BAMBI: variants seen among roughly 807,000 people sequenced by gnomAD.
BAMBI encodes the protein BMP and activin membrane-bound inhibitor homolog.
BAMBI carries 21 observed loss-of-function variants against 24.1 expected under a neutral mutation model. The observed-to-expected ratio is 0.87, with a 90% CI of 0.62 to 1.26. BAMBI has a LOEUF of 1.26. Ranked by LOEUF, BAMBI falls within the 50% of genes most tolerant of loss-of-function variation. The probability of loss-of-function intolerance (pLI) is 0.00; values close to 1 mark genes in which losing one functional copy is unlikely to be tolerated. For synonymous variants in BAMBI, 156 were observed against 123.1 expected, an observed-to-expected ratio of 1.27 and a Z score of -1.77; for missense variants, 388 against 329.1, an observed-to-expected ratio of 1.18 and a Z score of -1.38.
intron 1 of BAMBI, among the ~76,000 whole-genome samples, chr10:28,679,536 A>AG (rs1834474776): frequency 6.6e-6 from 1 of 152,092 alleles, no homozygotes; most frequent in African/African-American, 2.4e-5. Context: ...TCCAATTAAA[A>AG]AAAAAAGGTA....
intron 2 of BAMBI, 69 bp from the exon 3 acceptor site, chr10:28,681,914 A>G (rs17753457): frequency 0.039 from 53,257 of 1,380,016 alleles, 1,219 homozygotes; most frequent in Non-Finnish European, 0.046. Flanking sequence ...GTTAAAATGA[A>G]TTGATGATTA....
At chr10:28,679,944 A>T (rs145519422) in intron 1 of BAMBI, among the ~76,000 whole-genome samples, 1 of 152,324 alleles carries the variant, frequency 6.6e-6, no homozygotes, top group Non-Finnish European at 1.5e-5. Flanking sequence ...AAGGGTTGCC[A>T]AAGATCTGTG....
At chr10:28,679,987 A>G (rs1194541761) in intron 1 of BAMBI, among the ~76,000 whole-genome samples, 5 of 152,246 alleles carry the variant, frequency 3.3e-5, no homozygotes, top group African/African-American at 1.2e-4. Flanking sequence ...GAACCGAAGC[A>G]TTAGCAGCGT....
chr10:28,681,589 A>G, intron 2 of BAMBI, 44 bp downstream of exon 2: 1 of 1,593,792 alleles, frequency 6.3e-7, no homozygotes, highest in South Asian at 1.1e-5. Context: ...CCTGATCTAT[A>G]GACTTGTGAC....
In BAMBI at chr10:28,681,508, G is replaced by T. The variant is rs1483587538; in HGVS notation, c.327G>T (p.Leu109=). The change falls in exon 2 of 3, where the codon CTG becomes CTT. Residue 109 remains leucine (L), a synonymous_variant. Transcript: ENST00000375533. ...CHEDMCNYRG[L]HDVLSPPRGE... ...AAGACATGTGCAATTACAGAGGGCT[G>T]CACGATGTTCTCTCTCCTCCCAGGG... 6.2e-7 allele frequency: 1 copy of T among 1,614,150 alleles called. No individual in the cohort carries two copies. The highest frequency in any genetic ancestry group is 8.5e-7 in the Non-Finnish European group (1 of 1,180,030).
At chr10:28,681,775 T>G in intron 2 of BAMBI, 1 of 737,376 alleles carries the variant, frequency 1.4e-6, no homozygotes, top group Non-Finnish European at 2.2e-6. Context: ...TTGAAGACAT[T>G]AAAAGGCCAT....
rs781142192 is a variant in BAMBI at position 28,681,366 on chromosome 10, A to C, written c.185A>C (p.Asn62Thr). 6.2e-7 allele frequency: 1 copy of C among 1,614,174 alleles called. No individual in the cohort carries two copies. The highest frequency in any genetic ancestry group is 1.7e-5 in the Admixed American group (1 of 60,028). ...AGACTTCTTGATCCTCAGAACTCAA[A>C]TTCCCCACTCACCCATGGCTGCCTG... ...FSRLLDPQNS[N>T]SPLTHGCLDS... The change falls in exon 2 of 3, where the codon AAT becomes ACT. Residue 62 changes from asparagine to threonine, a missense_variant. Asn to Thr is a moderately conservative substitution (Grantham distance 65). Transcript: ENST00000375533.
chr10:28,682,113 AGTGTTGCTTATTATGTTG>A lies in BAMBI; in HGVS notation c.497_514del (p.Val166_Leu171del). The A allele has an allele frequency of 6.2e-7, 1 of 1,614,120 alleles. No individual in the cohort carries two copies. The highest frequency in any genetic ancestry group is 8.5e-7 in the Non-Finnish European group (1 of 1,180,028). On this transcript the variant is annotated inframe_deletion, in exon 3 of 3. Transcript: ENST00000375533. ...TGCCCATTGCTGGAGGGCTGATTTT[AGTGTTGCTTATTATGTTG>A]GCCCTGAGGATGCTTCGAAGTGAAA...
chr10:28,679,950 C>A (rs1010812063), intron 1 of BAMBI, among the ~76,000 whole-genome samples: 1 of 152,186 alleles, frequency 6.6e-6, no homozygotes, highest in Non-Finnish European at 1.5e-5. Context: ...TGCCAAAGAT[C>A]TGTGTTTAGC....
At chr10:28,679,460 T>G (rs1834473697) in intron 1 of BAMBI, among the ~76,000 whole-genome samples, 1 of 152,104 alleles carries the variant, frequency 6.6e-6, no homozygotes, top group Non-Finnish European at 1.5e-5. Context: ...AGAAACTTTA[T>G]GAACGACAGA....
chr10:28,680,660 T>C (rs1197040508), intron 1 of BAMBI, among the ~76,000 whole-genome samples: 1 of 152,240 alleles, frequency 6.6e-6, no homozygotes, highest in Non-Finnish European at 1.5e-5. Flanking sequence ...TAAAAGCTCC[T>C]CTGCATGAAA....
Position 28,682,257 on chromosome 10 carries a change from G to C in BAMBI, c.639G>C (p.Leu213Phe). ...SKKGQVAKLDLECMVPVSGHE... is the reference protein window; with the variant it reads ...SKKGQVAKLDFECMVPVSGHE... ...AGGGGCAGGTTGCAAAGTTAGACTT[G>C]GAATGCATGGTGCCGGTCAGTGGGC... The change falls in exon 3 of 3, where the codon TTG (leucine) becomes TTC (phenylalanine). Residue 213 changes from leucine (L) to phenylalanine (F), a missense_variant. Coordinates refer to ENST00000375533, the MANE Select transcript of BAMBI (RefSeq NM_012342.3). The C allele has an allele frequency of 6.2e-7, 1 of 1,614,152 alleles. No homozygotes were observed. The highest frequency in any genetic ancestry group is 8.5e-7 in the Non-Finnish European group (1 of 1,180,042).
In BAMBI at chr10:28,678,757, G is replaced by A. The variant is rs1834465680; in HGVS notation, c.76+784G>A. On this transcript the variant is annotated intron_variant, in intron 1 of 2. Coordinates refer to ENST00000375533, the MANE Select transcript of BAMBI (RefSeq NM_012342.3). ...GTGTGTGTTGTGTTGCTTTTCAGCA[G>A]CCGGGAGGAGTAGGCTCTGTCAGCG... Among the ~76,000 whole-genome samples, 3 of 151,690 alleles carry A rather than the reference G, an allele frequency of 2.0e-5. No homozygotes were observed. The South Asian group carries it at 6.3e-4, about 32-fold the overall frequency.
rs1045821153 is a variant in BAMBI, at chr10:28,681,924, A to G, written c.365-59A>G. 11 of 1,427,674 alleles carry G rather than the reference A, an allele frequency of 7.7e-6. 1 individual carries two copies. Among genetic ancestry groups the G allele is most frequent in the Non-Finnish European group, 9.5e-6 (10 of 1,048,522 alleles). The allele number at this position is 1,427,674 out of a possible 1,614,324, so 88.4% of individuals were successfully genotyped here. ...TCTTGGTTAAAATGAATTGATGATT[A>G]TGAATATCCCTAGGAGGAGTTAGCA... On this transcript the variant is annotated intron_variant, in intron 2 of 2. Transcript: ENST00000375533.
In BAMBI at chr10:28,681,547, TA is replaced by T; in HGVS notation, c.364+3del. 3.1e-6 allele frequency: 5 copies of T among 1,612,560 alleles called. No homozygotes were observed. The highest frequency in any genetic ancestry group is 4.2e-6 in the Non-Finnish European group (5 of 1,179,028). ...CTCCTCCCAGGGGTGAGGCCTCAGGTAGGTGGAAGCCGTTTCTAACCAGAAT... is the reference window on the plus strand; with the variant it reads ...CTCCTCCCAGGGGTGAGGCCTCAGGTGGTGGAAGCCGTTTCTAACCAGAAT... On this transcript the variant is annotated splice_donor_region_variant and intron_variant, in intron 2 of 2. Transcript: ENST00000375533.
In BAMBI at chr10:28,677,974, G is replaced by T; in HGVS notation, c.76+1G>T. 1 of 1,521,128 alleles carries T rather than the reference G, an allele frequency of 6.6e-7. No individual in the cohort carries two copies. Among genetic ancestry groups the T allele is most frequent in the Non-Finnish European group, 8.8e-7 (1 of 1,139,836 alleles). The allele number at this position is 1,521,128 out of a possible 1,614,324, so 94.2% of individuals were successfully genotyped here. On this transcript the variant is annotated splice_donor_variant, in intron 1 of 2. Coordinates refer to ENST00000375533, the MANE Select transcript of BAMBI (RefSeq NM_012342.3). LOFTEE classifies it high-confidence loss of function. ...GCCATGGCCGTGCTGCTCACCAAAG[G>T]TGGGTGCCGGGGGCGCACGGGGCCC...
chr10:28,682,151 G>A lies in BAMBI; in HGVS notation c.533G>A (p.Ser178Asn), dbSNP rs546258370. 1.9e-6 allele frequency: 3 copies of A among 1,614,190 alleles called. No individual in the cohort carries two copies. Among genetic ancestry groups the A allele is most frequent in the East Asian group, 2.2e-5 (1 of 44,886 alleles). Residue 178 changes from serine to asparagine, a missense_variant, in exon 3 of 3, where the codon AGT becomes AAT. By Grantham distance (46) the Ser-to-Asn change is conservative. Transcript: ENST00000375533. ...ATGTTGGCCCTGAGGATGCTTCGAAGTGAAAATAAGAGGCTGCAGGATCAG... is the reference window on the plus strand; with the variant it reads ...ATGTTGGCCCTGAGGATGCTTCGAAATGAAAATAAGAGGCTGCAGGATCAG... ...LIMLALRMLRSENKRLQDQRQ... is the reference protein window; with the variant it reads ...LIMLALRMLRNENKRLQDQRQ...
intron 1 of BAMBI, among the ~76,000 whole-genome samples, chr10:28,679,443 C>T (rs919654062): frequency 6.6e-6 from 1 of 151,982 alleles, no homozygotes; most frequent in Admixed American, 6.6e-5. Context: ...TTTTGCATGC[C>T]ACAGGAAGAA....
Position 28,677,862 on chromosome 10 carries a change from A to C in BAMBI, c.-36A>C, listed in dbSNP as rs1834452974. The C allele has an allele frequency of 2.0e-6, 3 of 1,478,668 alleles. No homozygotes were observed. The East Asian group carries it at 8.4e-5, about 41-fold the overall frequency. 91.6% of individuals were successfully genotyped at this position (1,478,668 alleles called of 1,614,324 possible). ...GGCTGCCGCCGAGCCGGGGCTCCGG[A>C]AGCCGGCGGGGGCGCCGCGGCCGTG... is the stretch of plus-strand genomic sequence containing the variant. On this transcript the variant is annotated 5_prime_UTR_variant, in exon 1 of 3. Transcript: ENST00000375533.
Sources: gnomAD v4.1 joint callset for allele counts (sites outside exome capture counted in the v4.1 genomes callset) on GRCh38, gnomAD v4.1.1 for gene constraint, MANE v1.5 for transcripts, NCBI Gene and HGNC (gene_info 2026-07-23, HGNC 2026-07-21) for gene names.